USP42: variants seen among roughly 807,000 people sequenced by gnomAD.
The protein encoded by USP42 is ubiquitin carboxyl-terminal hydrolase 42.
USP42 carries 23 observed loss-of-function variants against 113.0 expected under a neutral mutation model. The observed-to-expected ratio is 0.20, with a 90% CI of 0.15 to 0.29. The LOEUF (loss-of-function observed/expected upper bound fraction) is 0.29, where lower values mean the gene tolerates loss of function less well. Among genes scored for constraint, USP42 ranks in the 10% least tolerant of loss-of-function variants. The pLI is 1.00. For missense variants in USP42, 2,174 were observed against 1,779.8 expected (o/e 1.22, Z -3.99); for synonymous variants, 933 against 699.0 (o/e 1.33, Z -5.28).
intron 1 of USP42, among the ~76,000 whole-genome samples, chr7:6,109,059 G>A (rs1363532358): frequency 6.6e-6 from 1 of 152,224 alleles, no homozygotes; most frequent in African/African-American, 2.4e-5. Context: ...AGCACAGGGT[G>A]CTGTGGGGGC....
Position 6,149,889 on chromosome 7 carries a change from T to C in USP42, c.1693T>C (p.Ser565Pro). The C allele has an allele frequency of 6.2e-7, 1 of 1,614,042 alleles. No homozygotes were observed. Among genetic ancestry groups the C allele is most frequent in the Non-Finnish European group, 8.5e-7 (1 of 1,179,912 alleles). Residue 565 changes from serine to proline, a missense_variant, in exon 13 of 18, where the codon TCT becomes CCT. Ser to Pro is a moderately conservative substitution (Grantham distance 74). Transcript: ENST00000306177. ...TACCATTACCAATTCTGCAGTACAG[T>C]CTACCTCGAACGCATCTACGATGTC... ...SSTITNSAVQ[S>P]TSNASTMSVS...
At chr7:6,133,329 G>C (rs972310842) in intron 3 of USP42, among the ~76,000 whole-genome samples, 1 of 152,076 alleles carries the variant, frequency 6.6e-6, no homozygotes, top group Non-Finnish European at 1.5e-5. Context: ...ATGTATATCA[G>C]GGGCAACTTA....
chr7:6,138,756 G>C (rs1199322699), intron 4 of USP42, among the ~76,000 whole-genome samples: 2 of 152,180 alleles, frequency 1.3e-5, no homozygotes, highest in Non-Finnish European at 2.9e-5. Context: ...ATTGTGAACT[G>C]TGTGTGCATG....
intron 11 of USP42, among the ~76,000 whole-genome samples, chr7:6,147,070 C>T (rs1781756387): frequency 6.6e-6 from 1 of 152,224 alleles, no homozygotes; most frequent in Admixed American, 6.5e-5. Context: ...AGAATATTCT[C>T]AAATGTCCAA....
chr7:6,093,305 G>C, the USP42 span, among the ~76,000 whole-genome samples: 1 of 140,896 alleles, frequency 7.1e-6, no homozygotes, highest in Non-Finnish European at 1.5e-5. Flanking sequence ...TTTTGCCTTG[G>C]GACCAAGTCT....
Position 6,159,597 on chromosome 7 carries a change from AG to A in USP42, c.*36+106del, listed in dbSNP as rs1782657222. On this transcript the variant is annotated intron_variant, in intron 17 of 17. Transcript: ENST00000306177. This position sits in a 1 kb window ranked among gnomAD's most constrained non-coding sequence, Gnocchi z 4.1. Reference sequence around the variant, plus strand: ...GGCTCTGCCTGGGGGCTGGGCTCATAGGAGTTGGCAGAGCCATGGAGAGGCC... The same window carrying A: ...GGCTCTGCCTGGGGGCTGGGCTCATAGAGTTGGCAGAGCCATGGAGAGGCC... 2.5e-6 allele frequency: 3 copies of A among 1,215,220 alleles called. No homozygotes were observed. The highest frequency in any genetic ancestry group is 2.2e-5 in the Admixed American group (1 of 46,186). 75.3% of individuals were successfully genotyped at this position (1,215,220 alleles called of 1,614,324 possible).
At chr7:6,083,579 TACATATATATACACAC>T in the USP42 span, among the ~76,000 whole-genome samples, 1 of 150,428 alleles carries the variant, frequency 6.6e-6, no homozygotes, top group Non-Finnish European at 1.5e-5. Context: ...TATGTATGTA[TACATATATATACACAC>T]ACATATATAT....
At chr7:6,131,967 C>G (rs1780875035) in intron 3 of USP42, among the ~76,000 whole-genome samples, 1 of 152,176 alleles carries the variant, frequency 6.6e-6, no homozygotes, top group East Asian at 1.9e-4. Context: ...CAGGCTGTCA[C>G]TCTCACCCAG....
chr7:6,098,480 G>T, the USP42 span, among the ~76,000 whole-genome samples: 5,630 of 150,156 alleles, frequency 0.037, 418 homozygotes, highest in Non-Finnish European at 0.058. Flanking sequence ...AGGCGTGATG[G>T]TATCTGATCT....
intron 12 of USP42, among the ~76,000 whole-genome samples, chr7:6,149,053 G>T (rs1781880806): frequency 6.6e-6 from 1 of 152,228 alleles, no homozygotes; most frequent in South Asian, 2.1e-4. Flanking sequence ...CTCCACGGGG[G>T]TGCAGCAGCC....
Position 6,139,092 on chromosome 7 carries a change from G to A in USP42, c.554G>A (p.Arg185His). 1 of 1,602,756 alleles carries A rather than the reference G, an allele frequency of 6.2e-7. No individual in the cohort carries two copies. The highest frequency in any genetic ancestry group is 8.5e-7 in the Non-Finnish European group (1 of 1,174,164). ...CCTTGTCTTTACCGAAATTTTACAGGTATAGCTAGGCACTTCCGTTTTGGA... is the reference window on the plus strand; with the variant it reads ...CCTTGTCTTTACCGAAATTTTACAGATATAGCTAGGCACTTCCGTTTTGGA... ...KPMFVINEMR[R>H]IARHFRFGNQ... The change falls in exon 5 of 18, where the codon CGT becomes CAT. Residue 185 changes from arginine to histidine, a missense_variant and splice_region_variant. Physicochemically the swap from Arg to His is conservative, Grantham distance 29. Coordinates refer to ENST00000306177, the MANE Select transcript of USP42 (RefSeq NM_032172.3). This position sits in a 1 kb window ranked among gnomAD's most constrained non-coding sequence, Gnocchi z 4.5.
the USP42 span, among the ~76,000 whole-genome samples, chr7:6,089,301 A>T: frequency 6.7e-6 from 1 of 148,526 alleles, no homozygotes; most frequent in South Asian, 2.1e-4. Flanking sequence ...TGATACACCC[A>T]CCTTGGCCTC....
At chr7:6,121,232 G>A (rs1780211487) in intron 3 of USP42, among the ~76,000 whole-genome samples, 1 of 152,086 alleles carries the variant, frequency 6.6e-6, no homozygotes, top group South Asian at 2.1e-4. Flanking sequence ...CTCAGCCTTA[G>A]AGGAAAAGCA....
intron 11 of USP42, among the ~76,000 whole-genome samples, chr7:6,146,961 C>A (rs1409080550): frequency 6.6e-6 from 1 of 152,256 alleles, no homozygotes; most frequent in Non-Finnish European, 1.5e-5. Context: ...CAGGCCAAGG[C>A]CAGCACCCGC....
the USP42 span, among the ~76,000 whole-genome samples, chr7:6,086,327 T>G: frequency 6.7e-6 from 1 of 149,108 alleles, no homozygotes; most frequent in African/African-American, 2.5e-5. Context: ...TGCCTCAGCC[T>G]CCAGAGTAGC....
At chr7:6,129,860 C>CA (rs35237852) in intron 3 of USP42, among the ~76,000 whole-genome samples, 1,672 of 72,798 alleles carry the variant, frequency 0.023, 34 homozygotes, top group African/African-American at 0.063. Context: ...GACTCTGTCT[C>CA]AAAAAAAAAA....
intron 3 of USP42, among the ~76,000 whole-genome samples, chr7:6,129,450 G>A (rs945828123): frequency 2.0e-5 from 3 of 151,684 alleles, no homozygotes; most frequent in African/African-American, 4.8e-5. Flanking sequence ...CCAGCTATTC[G>A]GGAGGCTGAG....
intron 3 of USP42, among the ~76,000 whole-genome samples, chr7:6,117,882 T>G (rs548185740): frequency 1.3e-5 from 2 of 152,352 alleles, no homozygotes; most frequent in East Asian, 3.9e-4. Context: ...ATATTTCCTT[T>G]GCTAAAATGC....
intron 14 of USP42, among the ~76,000 whole-genome samples, chr7:6,151,695 G>C (rs746814155): frequency 1.8e-4 from 27 of 152,266 alleles, no homozygotes; most frequent in Non-Finnish European, 3.5e-4. Context: ...CACCCGCTGT[G>C]GCCTCCCAAA....
Sources: allele counts gnomAD v4.1 joint callset (sites outside exome capture counted in the v4.1 genomes callset), GRCh38; gene constraint gnomAD v4.1.1; non-coding constraint Gnocchi (gnomAD v3.1); transcripts MANE v1.5; gene names NCBI Gene and HGNC (gene_info 2026-07-23, HGNC 2026-07-21).